HK1: variants seen among roughly 807,000 people sequenced by gnomAD.
HK1 encodes hexokinase-1.
A neutral mutation model predicts 91.6 loss-of-function variants in HK1; 28 were observed. The observed-to-expected ratio is 0.31, with a 90% CI of 0.23 to 0.42. The LOEUF (loss-of-function observed/expected upper bound fraction) is 0.42. Among genes scored for constraint, HK1 ranks in the 10% least tolerant of loss-of-function variants. The pLI is 1.00. For synonymous variants in HK1, 430 were observed against 468.1 expected (o/e 0.92, Z 1.05); for missense variants, 770 against 1,219.8 (o/e 0.63, Z 5.49).
At chr10:69,394,284 C>T (rs1349965869) in intron 15 of HK1, among the ~76,000 whole-genome samples, 1 of 152,248 alleles carries the variant, frequency 6.6e-6, no homozygotes, top group Non-Finnish European at 1.5e-5. Flanking sequence ...TCACTGAATT[C>T]TCCCTCCTGT....
rs1846824335 is a variant in HK1 at position 69,318,876 on chromosome 10, G to A, written c.-72G>A. On this transcript the variant is annotated 5_prime_UTR_variant, in exon 1 of 18. Coordinates refer to ENST00000359426, the MANE Select transcript of HK1 (RefSeq NM_000188.3). Reference sequence around the variant, plus strand: ...AGGAGCCGCCGAGCAGCCGCCGGAGGACCACGGCTCGCCAGGGCTGCGGAG... The same window carrying A: ...AGGAGCCGCCGAGCAGCCGCCGGAGAACCACGGCTCGCCAGGGCTGCGGAG... The A allele has an allele frequency of 4.6e-6, 7 of 1,522,224 alleles. No homozygotes were observed. In the Admixed American group the frequency reaches 1.4e-4, roughly 31 times the overall value. The allele number at this position is 1,522,224 out of a possible 1,614,324, so 94.3% of individuals were successfully genotyped here.
intron 14 of HK1, 66 bp from the exon 15 acceptor site, chr10:69,392,059 C>T: frequency 6.4e-7 from 1 of 1,559,544 alleles, no homozygotes; most frequent in Non-Finnish European, 8.8e-7. Context: ...CCCCAGACCC[C>T]AGGCCCAGTT....
intron 3 of HK1, among the ~76,000 whole-genome samples, chr10:69,362,316 G>T (rs1166247733): frequency 6.6e-6 from 1 of 151,982 alleles, no homozygotes; most frequent in African/African-American, 2.4e-5. Context: ...GGACTCAAGC[G>T]ATCCTCCCAC....
chr10:69,351,096 AC>A (rs1564533110), intron 2 of HK1, among the ~76,000 whole-genome samples: 1 of 151,358 alleles, frequency 6.6e-6, no homozygotes, highest in African/African-American at 2.4e-5. Flanking sequence ...AATGATGTGA[AC>A]CTGGGAGGTG....
At chr10:69,398,874 C>A in intron 17 of HK1, 46 bp downstream of exon 17, 1 of 1,480,004 alleles carries the variant, frequency 6.8e-7, no homozygotes, top group Non-Finnish European at 9.4e-7. Flanking sequence ...GCTGGGATCC[C>A]TTTGGGTTAG....
At chr10:69,338,215 C>G in intron 1 of HK1, 1 of 1,103,728 alleles carries the variant, frequency 9.1e-7, no homozygotes, top group Non-Finnish European at 1.1e-6. Flanking sequence ...AGAGCGCCCG[C>G]CCTGTGCAGC....
At chr10:69,283,159 T>G in intron 2 of HK1, among the ~76,000 whole-genome samples, 1 of 132,316 alleles carries the variant, frequency 7.6e-6, no homozygotes. Context: ...AATGAAGGTA[T>G]AATCTGGCAG....
intron 1 of HK1, among the ~76,000 whole-genome samples, chr10:69,272,213 A>C (rs1844205984): frequency 6.6e-6 from 1 of 152,240 alleles, no homozygotes; most frequent in Admixed American, 6.5e-5. Context: ...TGCTGCTAGC[A>C]CTAGTGGGTT....
intron 1 of HK1, among the ~76,000 whole-genome samples, chr10:69,336,100 G>T (rs992024383): frequency 1.3e-5 from 2 of 152,232 alleles, no homozygotes; most frequent in Non-Finnish European, 1.5e-5. Context: ...TCTCTGGGGA[G>T]ACTGGGGGAA....
At chr10:69,336,161 T>C (rs1294402361) in intron 1 of HK1, among the ~76,000 whole-genome samples, 1 of 152,234 alleles carries the variant, frequency 6.6e-6, no homozygotes, top group African/African-American at 2.4e-5. Context: ...GAATATATTT[T>C]ACAATAAGTA....
chr10:69,306,313 G>A (rs563901149), intron 5 of HK1, among the ~76,000 whole-genome samples: 2 of 151,472 alleles, frequency 1.3e-5, no homozygotes, highest in East Asian at 3.9e-4. Context: ...AGCTGAGATC[G>A]CACCAGTGCA....
intron 1 of HK1, among the ~76,000 whole-genome samples, chr10:69,281,929 A>T (rs564809018): frequency 1.3e-5 from 2 of 152,324 alleles, no homozygotes; most frequent in East Asian, 3.9e-4. Context: ...TTGGCCACAG[A>T]GTGGGCATTT....
chr10:69,381,037 T>A (rs202062761), intron 9 of HK1, among the ~76,000 whole-genome samples: 1 of 152,188 alleles, frequency 6.6e-6, no homozygotes, highest in Non-Finnish European at 1.5e-5. Flanking sequence ...GCATGGCAGC[T>A]CACACTTGTA....
At chr10:69,307,902 G>A (rs769804367) in intron 5 of HK1, among the ~76,000 whole-genome samples, 95 of 151,804 alleles carry the variant, frequency 6.3e-4, no homozygotes, top group Non-Finnish European at 1.3e-3. Context: ...GTGGTGGCAC[G>A]ATCTCGGCTC....
Position 69,335,705 on chromosome 10 carries a change from G to A in HK1, c.64-8122G>A, listed in dbSNP as rs548317860. Among the ~76,000 whole-genome samples, 353 of 152,322 alleles carry A rather than the reference G, an allele frequency of 2.3e-3. 1 individual carries two copies. Among genetic ancestry groups the A allele is most frequent in the African/African-American group, 8.1e-3 (336 of 41,566 alleles). The stretch of plus-strand genomic sequence containing the variant: ...ATGCTGTAAGGACCAACAGGTAAAC[G>A]CGCTGTGCCAATTAGAGAGGCCTTT... On this transcript the variant is annotated intron_variant, in intron 1 of 17. Transcript: ENST00000359426.
intron 4 of HK1, among the ~76,000 whole-genome samples, chr10:69,367,283 A>T (rs1048891383): frequency 6.6e-6 from 1 of 152,124 alleles, no homozygotes; most frequent in Non-Finnish European, 1.5e-5. Context: ...TCAATTTCCC[A>T]TCCAGAGGCC....
Position 69,401,388 on chromosome 10 carries a change from A to T in HK1, c.*253A>T. 1 of 580,594 alleles carries T rather than the reference A, an allele frequency of 1.7e-6. No individual in the cohort carries two copies. The highest frequency in any genetic ancestry group is 2.9e-4 in the Middle Eastern group (1 of 3,448). The allele number at this position is 580,594 out of a possible 1,614,324, so 36.0% of individuals were successfully genotyped here. A position where few individuals can be genotyped will look rare whatever the true frequency, so the allele number is the denominator to read the frequency against. ...TGGTTTGATTTTGACCTGGTCCCCC[A>T]CGTGTGAAGTGTAGTGGCATCCATT... On this transcript the variant is annotated 3_prime_UTR_variant, in exon 18 of 18. Coordinates refer to ENST00000359426, the MANE Select transcript of HK1 (RefSeq NM_000188.3).
At chr10:69,334,553 C>T (rs1005100793) in intron 1 of HK1, among the ~76,000 whole-genome samples, 2 of 152,088 alleles carry the variant, frequency 1.3e-5, no homozygotes, top group East Asian at 1.9e-4. Flanking sequence ...CTGGGCCATT[C>T]GGGGAAGTCT....
At chr10:69,378,668 C>T (rs978791531) in intron 8 of HK1, among the ~76,000 whole-genome samples, 8 of 152,286 alleles carry the variant, frequency 5.3e-5, no homozygotes, top group African/African-American at 1.9e-4. Context: ...GACCCTCCCA[C>T]TTTGGCCTCC....
Sources: allele counts gnomAD v4.1 joint callset (sites outside exome capture counted in the v4.1 genomes callset), GRCh38; gene constraint gnomAD v4.1.1; transcripts MANE v1.5; gene names NCBI Gene and HGNC (gene_info 2026-07-23, HGNC 2026-07-21).